The following CCNE2 variants were observed in gnomAD, a reference collection of about 807,000 sequenced individuals.
CCNE2 encodes G1/S-specific cyclin-E2.
In CCNE2, 18 loss-of-function variants were observed where a neutral mutation model predicts 56.8. The observed-to-expected ratio is 0.32, with a 90% CI of 0.22 to 0.47. The LOEUF (loss-of-function observed/expected upper bound fraction) is 0.47, where lower values mean the gene tolerates loss of function less well. CCNE2 is among the 20% of genes least tolerant of loss of function. The probability of loss-of-function intolerance (pLI) is 1.00; values close to 1 mark genes in which losing one functional copy is unlikely to be tolerated. For synonymous variants in CCNE2, 139 were observed against 149.2 expected (o/e 0.93, Z 0.50); for missense variants, 371 against 467.1 (o/e 0.79, Z 1.90).
chr8:94,893,207 A>G (rs569581316), intron 4 of CCNE2, among the ~76,000 whole-genome samples: 1 of 152,348 alleles, frequency 6.6e-6, no homozygotes, highest in African/African-American at 2.4e-5. Flanking sequence ...AATAGAAGAC[A>G]CCAGGTGTCG....
rs1290235519 is a variant in CCNE2 at position 94,881,373 on chromosome 8, T to C, written c.*259A>G. On this transcript the variant is annotated 3_prime_UTR_variant, in exon 12 of 12. Coordinates refer to ENST00000308108, the MANE Select transcript of CCNE2 (RefSeq NM_057749.3). ...AACATTGCTATGGTATAGACTGTGGTTGGCTTCTATCCAGTAACCTTGGGA... is the reference window on the plus strand; with the variant it reads ...AACATTGCTATGGTATAGACTGTGGCTGGCTTCTATCCAGTAACCTTGGGA... 2 of 507,124 alleles carry C rather than the reference T, an allele frequency of 3.9e-6. No homozygotes were observed. Among genetic ancestry groups the C allele is most frequent in the Middle Eastern group, 5.1e-4 (1 of 1,972 alleles). 31.4% of individuals were successfully genotyped at this position (507,124 alleles called of 1,614,324 possible).
At chr8:94,889,401 A>T (rs554706268) in intron 6 of CCNE2, among the ~76,000 whole-genome samples, 1 of 152,344 alleles carries the variant, frequency 6.6e-6, no homozygotes, top group East Asian at 1.9e-4. Flanking sequence ...TAACCACTGG[A>T]TGAATATCAG....
intron 11 of CCNE2, 112 bp downstream of exon 11, chr8:94,882,020 T>A: frequency 9.1e-7 from 1 of 1,097,220 alleles, no homozygotes. Context: ...GTGTGCCCCT[T>A]AGAACTTTCT....
chr8:94,894,193 G>C lies in CCNE2; in HGVS notation c.14+15C>G. The C allele has an allele frequency of 6.2e-7, 1 of 1,613,948 alleles. No homozygotes were observed. Among genetic ancestry groups the C allele is most frequent in the South Asian group, 1.1e-5 (1 of 91,060 alleles). On this transcript the variant is annotated intron_variant, in intron 2 of 11. Coordinates refer to ENST00000308108, the MANE Select transcript of CCNE2 (RefSeq NM_057749.3). ...CAACTAATTTGAAACATGTCTCTAA[G>C]ACAGATAATGTTACCTTCGTCTTGA...
chr8:94,885,391 C>G, intron 8 of CCNE2, 72 bp downstream of exon 8: 1 of 1,112,562 alleles, frequency 9.0e-7, no homozygotes, highest in Non-Finnish European at 1.3e-6. Flanking sequence ...ATTTGAGATT[C>G]AATTATAACT....
chr8:94,889,246 A>G (rs1442278590), intron 6 of CCNE2, among the ~76,000 whole-genome samples: 2 of 152,206 alleles, frequency 1.3e-5, no homozygotes, highest in Admixed American at 6.5e-5. Flanking sequence ...ATAAATTAAT[A>G]GATTTTCAAA....
In CCNE2 at chr8:94,882,848, C is replaced by T. The variant is rs1816878065; in HGVS notation, c.876G>A (p.Gln292=). ...AGGCAGCAGCAGTCAGTATTCTGTA[C>T]TGGAACTCTAATGAATCAATGGCTA... ...CILAIDSLEF[Q]YRILTAAALC... is the part of the protein sequence containing the mutation. The change falls in exon 10 of 12, where the codon CAG becomes CAA. Residue 292 remains glutamine, a synonymous_variant. Coordinates refer to ENST00000308108, the MANE Select transcript of CCNE2 (RefSeq NM_057749.3). 3 of 1,613,844 alleles carry T rather than the reference C, an allele frequency of 1.9e-6. No homozygotes were observed. Among genetic ancestry groups the T allele is most frequent in the Non-Finnish European group, 2.5e-6 (3 of 1,179,874 alleles).
Position 94,891,674 on chromosome 8 carries a change from A to C in CCNE2, c.318-1124T>G, listed in dbSNP as rs546636834. The C allele has an allele frequency of 1.4e-4, 73 of 539,642 alleles. 1 individual carries two copies. The African/African-American group carries it at 1.4e-3, about 10-fold the overall frequency. 33.4% of individuals were successfully genotyped at this position (539,642 alleles called of 1,614,324 possible). On this transcript the variant is annotated intron_variant, in intron 5 of 11. Coordinates refer to ENST00000308108, the MANE Select transcript of CCNE2 (RefSeq NM_057749.3). ...CCTCTGTCTCCAAAAAAAAAAAAAA[A>C]AAAAAACACCATGAAGTATTTTTAA...
chr8:94,894,492 G>C, intron 1 of CCNE2: 3 of 503,832 alleles, frequency 6.0e-6, no homozygotes, highest in South Asian at 5.6e-5. Context: ...AAGCACTCCT[G>C]ACACCTTGAA....
chr8:94,891,766 C>A, intron 5 of CCNE2: 2 of 1,292,642 alleles, frequency 1.5e-6, no homozygotes, highest in Non-Finnish European at 2.2e-6. Flanking sequence ...TAGGTGTACC[C>A]AGGCCAAGCA....
At chr8:94,893,013 CCTT>C in intron 4 of CCNE2, 44 bp from the exon 5 acceptor site, 4 of 1,476,920 alleles carry the variant, frequency 2.7e-6, no homozygotes, top group Non-Finnish European at 3.6e-6. Context: ...GCAAGGAAAA[CCTT>C]AGTTTTTGTA....
chr8:94,887,801 T>C (rs1817091872), intron 7 of CCNE2, 126 bp downstream of exon 7: 5 of 572,128 alleles, frequency 8.7e-6, no homozygotes, highest in Non-Finnish European at 1.5e-5. Flanking sequence ...GAAAATGTAC[T>C]GAGAAACAAA....
rs574843451 is a variant in CCNE2 at position 94,882,162 on chromosome 8, G to A, written c.1071C>T (p.Ile357=). The change falls in exon 11 of 12, where the codon ATC becomes ATT. Residue 357 remains isoleucine, a synonymous_variant. Transcript: ENST00000308108. ...KKIPMEDRHN[I]QTHTNYLAML... ...TAGCCAAATAGTTTGTATGTGTCTG[G>A]ATATTATGTCTGTCTTCCATAGGAA... The A allele has an allele frequency of 1.7e-5, 27 of 1,612,482 alleles. No homozygotes were observed. In the South Asian group the frequency reaches 3.0e-4, roughly 18 times the overall value.
chr8:94,885,634 G>T (rs574062611), intron 7 of CCNE2, 76 bp from the exon 8 acceptor site: 1 of 801,366 alleles, frequency 1.2e-6, no homozygotes, highest in Non-Finnish European at 2.0e-6. Context: ...CTACAATGGG[G>T]TTACATCCCA....
Position 94,893,106 on chromosome 8 carries a change from G to A in CCNE2, c.166-137C>T. 4.8e-6 allele frequency: 3 copies of A among 622,600 alleles called. No homozygotes were observed. In the South Asian group the frequency reaches 7.7e-5, roughly 16 times the overall value. 38.6% of individuals were successfully genotyped at this position (622,600 alleles called of 1,614,324 possible). ...ACATAGATGGCAATATAGCTAATTT[G>A]ACATTCACATTTTATAAACAAGCCA... On this transcript the variant is annotated intron_variant, in intron 4 of 11. Coordinates refer to ENST00000308108, the MANE Select transcript of CCNE2 (RefSeq NM_057749.3).
At position 94,880,253 on chromosome 8, in the gene CCNE2, C is replaced by A; in HGVS notation, c.*1379G>T. 1.4e-6 allele frequency: 2 copies of A among 1,398,182 alleles called. No individual in the cohort carries two copies. The highest frequency in any genetic ancestry group is 2.0e-6 in the Non-Finnish European group (2 of 1,001,216). 86.6% of individuals were successfully genotyped at this position (1,398,182 alleles called of 1,614,324 possible). A position where few individuals can be genotyped will look rare whatever the true frequency, so the allele number is the denominator to read the frequency against. On this transcript the variant is annotated 3_prime_UTR_variant, in exon 12 of 12. Coordinates refer to ENST00000308108, the MANE Select transcript of CCNE2 (RefSeq NM_057749.3). ...CTTTTAAGCAGTTAAATTTTTTTAA[C>A]TTTTATTTTTTAAACAATGGGCTAA...
chr8:94,892,801 A>G lies in CCNE2; in HGVS notation c.317+17T>C. 7.8e-7 allele frequency: 1 copy of G among 1,283,868 alleles called. No homozygotes were observed. The highest frequency in any genetic ancestry group is 1.1e-6 in the Non-Finnish European group (1 of 937,402). 79.5% of individuals were successfully genotyped at this position (1,283,868 alleles called of 1,614,324 possible). ...AACTTTATATCTTTGAAATAAAATT[A>G]CTGAAATTTTTCTTACCTTAAATCA... On this transcript the variant is annotated intron_variant, in intron 5 of 11. Transcript: ENST00000308108.
At chr8:94,895,616 G>T (rs904923779), upstream of CCNE2, among the ~76,000 whole-genome samples, 1 of 152,208 alleles carries the variant, frequency 6.6e-6, no homozygotes, top group Non-Finnish European at 1.5e-5. Context: ...GGGTGGCTGG[G>T]AAGTGACCGT....
upstream of CCNE2, chr8:94,895,701 G>A (rs539116206): frequency 7.0e-4 from 106 of 152,420 alleles, no homozygotes; most frequent in African/African-American, 2.4e-3. Flanking sequence ...GGGGACCCGA[G>A]GGCCCGCCCC....
Sources: allele counts gnomAD v4.1 joint callset (sites outside exome capture counted in the v4.1 genomes callset), GRCh38; gene constraint gnomAD v4.1.1; transcripts MANE v1.5; gene names NCBI Gene and HGNC (gene_info 2026-07-23, HGNC 2026-07-21).